GUCY1A2: variants seen among roughly 807,000 people sequenced by gnomAD.
GUCY1A2 encodes the protein guanylate cyclase soluble subunit alpha-2.
Under a neutral mutation model 63.5 loss-of-function variants are expected in GUCY1A2, and 27 were observed. The ratio of observed to expected loss-of-function variants is 0.43; its 90% confidence interval spans 0.31 to 0.59. The LOEUF (loss-of-function observed/expected upper bound fraction) is 0.59, where lower values mean the gene tolerates loss of function less well. Among genes scored for constraint, GUCY1A2 ranks in the 20% least tolerant of loss-of-function variants. The pLI is 0.11. For missense variants in GUCY1A2, 768 were observed against 913.3 expected, an observed-to-expected ratio of 0.84 and a Z score of 2.05; for synonymous variants, 364 against 343.5, an observed-to-expected ratio of 1.06 and a Z score of -0.66.
chr11:106,910,568 G>A (rs909227703), intron 4 of GUCY1A2, among the ~76,000 whole-genome samples: 1 of 151,924 alleles, frequency 6.6e-6, no homozygotes, highest in South Asian at 2.1e-4. Context: ...TTCATTCCCC[G>A]CTTCTTTCTA....
intron 4 of GUCY1A2, among the ~76,000 whole-genome samples, chr11:106,813,188 G>A (rs1436073927): frequency 1.3e-5 from 2 of 151,904 alleles, no homozygotes; most frequent in South Asian, 4.1e-4. Flanking sequence ...GTTTCAATGA[G>A]ATAGCACAGA....
chr11:106,827,168 A>T, intron 4 of GUCY1A2: 1 of 1,499,588 alleles, frequency 6.7e-7, no homozygotes, highest in Non-Finnish European at 9.3e-7. Context: ...TTAAGATTCA[A>T]GCCTTCATGC....
At chr11:106,987,032 G>A (rs1439033495) in intron 1 of GUCY1A2, among the ~76,000 whole-genome samples, 1 of 152,086 alleles carries the variant, frequency 6.6e-6, no homozygotes, top group Admixed American at 6.6e-5. Context: ...ATGTTATTAG[G>A]AAGTTATGAT....
chr11:106,820,841 G>C (rs1330819984), intron 4 of GUCY1A2, among the ~76,000 whole-genome samples: 2 of 152,128 alleles, frequency 1.3e-5, no homozygotes, highest in African/African-American at 4.8e-5. Flanking sequence ...AGATTGAAAT[G>C]TTGCCTTTGT....
intron 1 of GUCY1A2, among the ~76,000 whole-genome samples, chr11:107,012,281 T>C (rs1301567106): frequency 8.7e-5 from 13 of 149,598 alleles, no homozygotes; most frequent in Non-Finnish European, 1.9e-4. Context: ...TTTTTCGTAC[T>C]TGACATCTGT....
chr11:106,806,028 T>C (rs1003049658), intron 5 of GUCY1A2, among the ~76,000 whole-genome samples: 4 of 152,162 alleles, frequency 2.6e-5, no homozygotes, highest in African/African-American at 9.7e-5. Flanking sequence ...TATGAGATCA[T>C]ATTTTATTCT....
chr11:106,835,244 T>C (rs997148908), intron 4 of GUCY1A2, among the ~76,000 whole-genome samples: 1 of 151,534 alleles, frequency 6.6e-6, no homozygotes, highest in Non-Finnish European at 1.5e-5. Flanking sequence ...GAAAAGAAAA[T>C]AGAACCTTTA....
intron 4 of GUCY1A2, among the ~76,000 whole-genome samples, chr11:106,913,986 CAAAAAAAA>C (rs11325847): frequency 0.062 from 4,435 of 71,262 alleles, 209 homozygotes; most frequent in African/African-American, 0.17. Flanking sequence ...AATGAAAAAG[CAAAAAAAA>C]AAAAAAAAAG....
At chr11:107,010,519 G>A (rs1008645332) in intron 1 of GUCY1A2, among the ~76,000 whole-genome samples, 5 of 152,096 alleles carry the variant, frequency 3.3e-5, no homozygotes, top group South Asian at 2.1e-4. Context: ...TTTGTAAAAC[G>A]ACTTCCTTCC....
chr11:106,879,219 C>A (rs1051348569), intron 4 of GUCY1A2, among the ~76,000 whole-genome samples: 2 of 152,098 alleles, frequency 1.3e-5, no homozygotes, highest in Non-Finnish European at 2.9e-5. Flanking sequence ...CTTATGCATG[C>A]TTTTGTCCTA....
At chr11:106,824,333 T>C (rs1858939453) in intron 4 of GUCY1A2, 4 of 385,952 alleles carry the variant, frequency 1.0e-5, no homozygotes, top group Admixed American at 9.1e-5. Context: ...AGAGAAAATA[T>C]AGTTTTCTGT....
intron 5 of GUCY1A2, among the ~76,000 whole-genome samples, chr11:106,804,957 T>G (rs1045803173): frequency 6.6e-6 from 1 of 152,206 alleles, no homozygotes; most frequent in African/African-American, 2.4e-5. Context: ...CCTACTTTGC[T>G]AATTGGCCTG....
At chr11:106,801,240 C>T (rs1858598383) in intron 5 of GUCY1A2, among the ~76,000 whole-genome samples, 1 of 152,102 alleles carries the variant, frequency 6.6e-6, no homozygotes, top group South Asian at 2.1e-4. Flanking sequence ...TCATGTTCAT[C>T]TTCTAATTAC....
chr11:107,001,329 T>G (rs757475264), intron 1 of GUCY1A2, among the ~76,000 whole-genome samples: 4 of 152,206 alleles, frequency 2.6e-5, no homozygotes, highest in Non-Finnish European at 4.4e-5. Context: ...TAAAATATAA[T>G]TAGATCATGT....
intron 4 of GUCY1A2, among the ~76,000 whole-genome samples, chr11:106,857,117 C>T (rs1859447475): frequency 6.6e-6 from 1 of 152,200 alleles, no homozygotes. Context: ...TAGTCCTTGT[C>T]TTAGCTAGGG....
At chr11:106,844,361 G>C (rs1026206085) in intron 4 of GUCY1A2, among the ~76,000 whole-genome samples, 2 of 151,562 alleles carry the variant, frequency 1.3e-5, no homozygotes, top group Non-Finnish European at 3.0e-5. Flanking sequence ...TTATGAGTTC[G>C]GAATATGTGC....
chr11:106,962,020 A>G (rs1861064317), intron 3 of GUCY1A2, among the ~76,000 whole-genome samples: 2 of 152,226 alleles, frequency 1.3e-5, no homozygotes, highest in Non-Finnish European at 2.9e-5. Flanking sequence ...TTAGACAAAT[A>G]AGAATAAAGT....
intron 6 of GUCY1A2, among the ~76,000 whole-genome samples, chr11:106,725,972 T>C (rs1863401362): frequency 6.6e-6 from 1 of 152,128 alleles, no homozygotes; most frequent in African/African-American, 2.4e-5. Flanking sequence ...CAATACCCCA[T>C]TTTTCAGCTG....
chr11:106,826,614 T>A, intron 4 of GUCY1A2: 2 of 1,604,198 alleles, frequency 1.2e-6, no homozygotes, highest in Non-Finnish European at 1.7e-6. Flanking sequence ...CTAAGCCCTG[T>A]GCATTGTATT....
Sources: allele counts gnomAD v4.1 joint callset (sites outside exome capture counted in the v4.1 genomes callset), GRCh38; gene constraint gnomAD v4.1.1; transcripts MANE v1.5; gene names NCBI Gene and HGNC (gene_info 2026-07-23, HGNC 2026-07-21).